The following EXOC4 variants were observed in gnomAD, a reference collection of about 807,000 sequenced individuals.
EXOC4 encodes exocyst complex component 4, also known as SEC8-like 1.
In EXOC4, 71 loss-of-function variants were observed where a neutral mutation model predicts 107.2. That is an observed-to-expected ratio of 0.66 (90% CI 0.55 to 0.81). The LOEUF is 0.81. Ranked by LOEUF, EXOC4 falls within the 30% of genes least tolerant of loss-of-function variation. EXOC4 has a pLI of 0.00. For missense variants in EXOC4, 1,108 were observed against 1,189.6 expected (o/e 0.93, Z 1.01); for synonymous variants, 456 against 441.2 (o/e 1.03, Z -0.42).
rs2345946 is a variant in EXOC4 at position 133,676,959 on chromosome 7, G to A, written c.1514+46818G>A. On this transcript the variant is annotated intron_variant, in intron 10 of 17. Coordinates refer to ENST00000253861, the MANE Select transcript of EXOC4 (RefSeq NM_021807.4). ...TGTGTGTGTGTGTGTGTGTGTGTAT[G>A]TGTGTGTGTGTGTGTGTGTTGAGAA... 8.9e-3 allele frequency among the ~76,000 whole-genome samples: 1,229 copies of A among 138,734 alleles called. 14 individuals carry two copies. The highest frequency in any genetic ancestry group is 0.028 in the African/African-American group (1,091 of 38,490). The allele number at this position is 138,734 out of a possible 152,430, so 91.0% of individuals were successfully genotyped here.
chr7:133,278,836 TA>T (rs1353723657), intron 2 of EXOC4, among the ~76,000 whole-genome samples: 1 of 152,156 alleles, frequency 6.6e-6, no homozygotes, highest in Admixed American at 6.5e-5. Context: ...ACTATTATTA[TA>T]CTTTAAGTTT....
chr7:133,423,689 C>A (rs1226648836), intron 7 of EXOC4, among the ~76,000 whole-genome samples: 1 of 152,204 alleles, frequency 6.6e-6, no homozygotes, highest in Non-Finnish European at 1.5e-5. Context: ...CGCTCTGGGC[C>A]CTCTTTGGGG....
intron 9 of EXOC4, among the ~76,000 whole-genome samples, chr7:133,536,441 A>C (rs1453330501): frequency 6.6e-6 from 1 of 152,150 alleles, no homozygotes; most frequent in Non-Finnish European, 1.5e-5. Flanking sequence ...TCATACAAAT[A>C]GTATGTTTCC....
At chr7:133,696,659 G>C (rs1562912099) in intron 10 of EXOC4, among the ~76,000 whole-genome samples, 2 of 152,068 alleles carry the variant, frequency 1.3e-5, no homozygotes, top group Non-Finnish European at 2.9e-5. Context: ...TGTTGTTGTT[G>C]TTGATATTGA....
chr7:133,999,019 A>T (rs1163660055), intron 15 of EXOC4, among the ~76,000 whole-genome samples: 1 of 152,110 alleles, frequency 6.6e-6, no homozygotes, highest in Non-Finnish European at 1.5e-5. Flanking sequence ...AACTGAGGGG[A>T]GAAACACTGA....
intron 11 of EXOC4, among the ~76,000 whole-genome samples, chr7:133,884,419 C>T (rs755194018): frequency 9.2e-5 from 14 of 152,150 alleles, no homozygotes; most frequent in South Asian, 2.1e-4. Context: ...TCCATGAAAT[C>T]GGCCAAGGGC....
At chr7:133,317,098 T>C (rs1795006436) in intron 4 of EXOC4, among the ~76,000 whole-genome samples, 186 bp from the exon 5 acceptor site, 2 of 152,122 alleles carry the variant, frequency 1.3e-5, no homozygotes, top group South Asian at 4.1e-4. Flanking sequence ...TATACCCCTG[T>C]CTGTGACAGT....
At chr7:133,731,970 T>C (rs1030637287) in intron 10 of EXOC4, among the ~76,000 whole-genome samples, 5 of 152,206 alleles carry the variant, frequency 3.3e-5, no homozygotes, top group African/African-American at 1.2e-4. Flanking sequence ...TAAATCATTC[T>C]GTTATAAAGA....
chr7:133,295,335 C>T (rs188292299), intron 3 of EXOC4, among the ~76,000 whole-genome samples: 1 of 152,086 alleles, frequency 6.6e-6, no homozygotes, highest in Non-Finnish European at 1.5e-5. Context: ...TTCTGTGTTA[C>T]ATTTCTAGGA....
At chr7:134,030,323 CA>C (rs1795240121) in intron 17 of EXOC4, among the ~76,000 whole-genome samples, 1 of 152,166 alleles carries the variant, frequency 6.6e-6, no homozygotes. Flanking sequence ...AAGGTAGAAA[CA>C]ACTCATATGT....
At chr7:134,093,309 A>C in the EXOC4 span, among the ~76,000 whole-genome samples, 1 of 152,186 alleles carries the variant, frequency 6.6e-6, no homozygotes, top group Non-Finnish European at 1.5e-5. Flanking sequence ...AACCAACAAC[A>C]GGAATAAAGG....
At chr7:133,259,021 C>G (rs913694233) in intron 1 of EXOC4, among the ~76,000 whole-genome samples, 3 of 152,008 alleles carry the variant, frequency 2.0e-5, no homozygotes, top group African/African-American at 7.2e-5. Flanking sequence ...GTGTATTGTA[C>G]AAATTTGTAA....
chr7:133,697,426 G>C (rs1209587830), intron 10 of EXOC4, among the ~76,000 whole-genome samples: 1 of 152,126 alleles, frequency 6.6e-6, no homozygotes, highest in Non-Finnish European at 1.5e-5. Context: ...ATTGAGCATT[G>C]AAGGTTTTTA....
chr7:134,021,418 T>TC (rs1311692166), intron 17 of EXOC4, among the ~76,000 whole-genome samples: 1 of 152,190 alleles, frequency 6.6e-6, no homozygotes, highest in African/African-American at 2.4e-5. Flanking sequence ...ATAAAGGTCT[T>TC]ATAAGGCTCT....
chr7:133,659,429 C>G (rs1279745449), intron 10 of EXOC4, among the ~76,000 whole-genome samples: 1 of 152,214 alleles, frequency 6.6e-6, no homozygotes, highest in South Asian at 2.1e-4. Flanking sequence ...GGGCCTTGTC[C>G]CATGCCTGCG....
At chr7:133,870,972 C>T (rs2116393723) in intron 11 of EXOC4, among the ~76,000 whole-genome samples, 1 of 152,340 alleles carries the variant, frequency 6.6e-6, no homozygotes, top group South Asian at 2.1e-4. Context: ...TAGTCGTACT[C>T]ACATTCGCTG....
chr7:133,305,463 T>A (rs1794731390), intron 3 of EXOC4, among the ~76,000 whole-genome samples: 1 of 152,230 alleles, frequency 6.6e-6, no homozygotes, highest in South Asian at 2.1e-4. Context: ...AAGTTCTTTT[T>A]AAAACATTTA....
At chr7:133,274,351 G>A (rs1487836871) in intron 1 of EXOC4, among the ~76,000 whole-genome samples, 1 of 152,200 alleles carries the variant, frequency 6.6e-6, no homozygotes, top group East Asian at 1.9e-4. Context: ...TTTCAGCTAT[G>A]TATGAAAAAG....
At chr7:133,779,699 C>T (rs928982680) in intron 10 of EXOC4, among the ~76,000 whole-genome samples, 4 of 151,368 alleles carry the variant, frequency 2.6e-5, no homozygotes, top group Non-Finnish European at 3.0e-5. Context: ...TCTGTAAAAA[C>T]GCACCAATCA....
Sources: gnomAD v4.1 joint callset for allele counts (sites outside exome capture counted in the v4.1 genomes callset) on GRCh38, gnomAD v4.1.1 for gene constraint, MANE v1.5 for transcripts, NCBI Gene and HGNC (gene_info 2026-07-23, HGNC 2026-07-21) for gene names.